Variants in MAML3 observed in about 807,000 individuals in gnomAD.
MAML3 encodes the protein mastermind-like protein 3.
In MAML3, 27 loss-of-function variants were observed where a neutral mutation model predicts 101.9. That is an observed-to-expected ratio of 0.27 (90% confidence interval 0.20 to 0.37). The LOEUF (loss-of-function observed/expected upper bound fraction) is 0.37, where lower values mean the gene tolerates loss of function less well. Ranked by LOEUF, MAML3 falls within the 10% of genes least tolerant of loss-of-function variation. The probability of loss-of-function intolerance (pLI) is 1.00; values close to 1 mark genes in which losing one functional copy is unlikely to be tolerated. For synonymous variants in MAML3, 501 were observed against 555.9 expected (o/e 0.90, Z 1.39); for missense variants, 1,316 against 1,444.9 (o/e 0.91, Z 1.45).
intron 1 of MAML3, among the ~76,000 whole-genome samples, chr4:140,074,199 G>GAGAGAGAGAGAAAGAAAGAGAA (rs1553973033): frequency 1.2e-5 from 1 of 81,960 alleles, no homozygotes; most frequent in African/African-American, 4.3e-5. Flanking sequence ...GAGAAAGAAA[G>GAGAGAGAGAGAAAGAAAGAGAA]AGAAAGAAAG....
intron 1 of MAML3, among the ~76,000 whole-genome samples, chr4:140,055,031 A>G (rs1727330097): frequency 6.6e-6 from 1 of 152,246 alleles, no homozygotes; most frequent in Admixed American, 6.5e-5. Flanking sequence ...AAAAGTATTC[A>G]AAACACAAGT....
chr4:139,856,205 G>C (rs977544926), intron 2 of MAML3, among the ~76,000 whole-genome samples: 1 of 152,252 alleles, frequency 6.6e-6, no homozygotes, highest in Non-Finnish European at 1.5e-5. Flanking sequence ...TGGAGAGAAA[G>C]GCCCACTGGA....
At chr4:139,918,142 C>T (rs764455183) in intron 1 of MAML3, among the ~76,000 whole-genome samples, 6 of 152,110 alleles carry the variant, frequency 3.9e-5, no homozygotes, top group Admixed American at 2.0e-4. Context: ...TTCCACTAGC[C>T]GTTTTTCCCA....
At chr4:140,058,252 C>T (rs1727386238) in intron 1 of MAML3, among the ~76,000 whole-genome samples, 1 of 142,640 alleles carries the variant, frequency 7.0e-6, no homozygotes, top group African/African-American at 2.5e-5. Flanking sequence ...TCTTTGAAGC[C>T]CTTCAAGCTC....
chr4:139,819,665 G>A (rs1357186446), intron 2 of MAML3, among the ~76,000 whole-genome samples: 3 of 152,154 alleles, frequency 2.0e-5, no homozygotes, highest in African/African-American at 7.2e-5. Flanking sequence ...ACGCCCAAGT[G>A]TTCTCAGAGA....
At chr4:139,874,042 T>C (rs1433375383) in intron 2 of MAML3, among the ~76,000 whole-genome samples, 3 of 152,250 alleles carry the variant, frequency 2.0e-5, no homozygotes, top group Non-Finnish European at 4.4e-5. Context: ...TGTGTTTACC[T>C]GCATTTAATA....
chr4:140,067,203 GTGT>G (rs1404757961), intron 1 of MAML3, among the ~76,000 whole-genome samples: 3 of 86,552 alleles, frequency 3.5e-5, no homozygotes, highest in Non-Finnish European at 6.3e-5. Flanking sequence ...TTTTAGGGGT[GTGT>G]GTGTGTGTGT....
In MAML3 at chr4:139,900,707, A is replaced by G. The variant is rs138473622; in HGVS notation, c.469-9740T>C. ...CAAGACTGTTATCTTTGCAAATGCTAAGGCCATATGATTTTCAAATCTCAC... is the reference window on the plus strand; with the variant it reads ...CAAGACTGTTATCTTTGCAAATGCTGAGGCCATATGATTTTCAAATCTCAC... On this transcript the variant is annotated intron_variant, in intron 1 of 4. Coordinates refer to ENST00000509479, the MANE Select transcript of MAML3 (RefSeq NM_018717.5). Among the ~76,000 whole-genome samples, 8 of 152,338 alleles carry G rather than the reference A, an allele frequency of 5.3e-5. No homozygotes were observed. The East Asian group carries it at 1.3e-3, about 26-fold the overall frequency.
At chr4:140,106,471 G>T (rs1728353541) in intron 1 of MAML3, among the ~76,000 whole-genome samples, 1 of 152,188 alleles carries the variant, frequency 6.6e-6, no homozygotes, top group Admixed American at 6.5e-5. Flanking sequence ...GTGGGCATGT[G>T]TGTGCACACC....
At position 140,140,199 on chromosome 4, in the gene MAML3, C is replaced by G. The variant is rs113735754; in HGVS notation, c.468+12661G>C. Among the ~76,000 whole-genome samples, 107 of 152,258 alleles carry G rather than the reference C, an allele frequency of 7.0e-4. 1 individual carries two copies. Among genetic ancestry groups the G allele is most frequent in the African/African-American group, 2.5e-3 (103 of 41,536 alleles). The stretch of plus-strand genomic sequence containing the variant: ...ATTAGCCGGGCATGGTGGCACGCAC[C>G]TGTAGTCCCAGCTACTCGGAAGGCT... On this transcript the variant is annotated intron_variant, in intron 1 of 4. Coordinates refer to ENST00000509479, the MANE Select transcript of MAML3 (RefSeq NM_018717.5).
intron 1 of MAML3, among the ~76,000 whole-genome samples, chr4:140,006,415 G>A (rs1289020451): frequency 6.6e-6 from 1 of 151,758 alleles, no homozygotes; most frequent in Non-Finnish European, 1.5e-5. Context: ...GTGAAACCCC[G>A]ACTCTACTAA....
intron 1 of MAML3, among the ~76,000 whole-genome samples, chr4:139,986,497 C>T (rs1432029937): frequency 2.6e-5 from 4 of 152,178 alleles, no homozygotes; most frequent in Non-Finnish European, 4.4e-5. Context: ...TCATTATTCT[C>T]CCACTTCTTG....
intron 2 of MAML3, among the ~76,000 whole-genome samples, chr4:139,754,724 A>G (rs1329368370): frequency 6.6e-6 from 1 of 152,228 alleles, no homozygotes; most frequent in Non-Finnish European, 1.5e-5. Flanking sequence ...TCAGGAATAT[A>G]CAAGGGTGTC....
rs150331876 is a variant in MAML3 at position 139,784,044 on chromosome 4, T to C, written c.2080-53377A>G. Among the ~76,000 whole-genome samples, 497 of 152,304 alleles carry C rather than the reference T, an allele frequency of 3.3e-3. 2 individuals are homozygous for C. Among genetic ancestry groups the C allele is most frequent in the African/African-American group, 0.011 (477 of 41,562 alleles). On this transcript the variant is annotated intron_variant, in intron 2 of 4. Coordinates refer to ENST00000509479, the MANE Select transcript of MAML3 (RefSeq NM_018717.5). ...GGAGCCACAGATATTAAAATGCATA[T>C]GTTTACCTTCCTGAGCATCCGCACA...
intron 1 of MAML3, among the ~76,000 whole-genome samples, chr4:140,086,608 T>C (rs1055956233): frequency 2.0e-5 from 3 of 152,190 alleles, no homozygotes; most frequent in Non-Finnish European, 2.9e-5. Context: ...AGTACCAGTG[T>C]TCAGACCCTC....
At chr4:139,875,651 A>G (rs949855165) in intron 2 of MAML3, among the ~76,000 whole-genome samples, 2 of 152,088 alleles carry the variant, frequency 1.3e-5, no homozygotes, top group African/African-American at 4.8e-5. Context: ...CACAAATGTT[A>G]TATGTTGACT....
intron 1 of MAML3, among the ~76,000 whole-genome samples, chr4:140,058,423 T>C (rs1017344376): frequency 1.3e-5 from 2 of 152,026 alleles, no homozygotes; most frequent in African/African-American, 4.8e-5. Context: ...AAATTACTAA[T>C]TTAAGTTTCT....
intron 1 of MAML3, among the ~76,000 whole-genome samples, chr4:140,015,906 T>A (rs543367492): frequency 6.6e-6 from 1 of 152,148 alleles, no homozygotes; most frequent in Admixed American, 6.5e-5. Context: ...TCAGCCCAGA[T>A]TGTGCCACTG....
chr4:139,881,045 G>A (rs2111187536), intron 2 of MAML3, among the ~76,000 whole-genome samples: 1 of 152,240 alleles, frequency 6.6e-6, no homozygotes, highest in Admixed American at 6.5e-5. Context: ...AGTAGAAGAA[G>A]CCAAAAATCA....
Sources: allele counts gnomAD v4.1 joint callset (sites outside exome capture counted in the v4.1 genomes callset), GRCh38; gene constraint gnomAD v4.1.1; transcripts MANE v1.5; gene names NCBI Gene and HGNC (gene_info 2026-07-23, HGNC 2026-07-21).